RAB3GAP1: variants seen among roughly 807,000 people sequenced by gnomAD.
The protein encoded by RAB3GAP1 is RAB3 GTPase activating protein catalytic subunit 1, also known as rab3 GTPase-activating protein catalytic subunit.
A neutral mutation model predicts 130.7 loss-of-function variants in RAB3GAP1; 86 were observed. The ratio of observed to expected loss-of-function variants is 0.66; its 90% confidence interval spans 0.55 to 0.79. RAB3GAP1 has a LOEUF of 0.79. Among genes scored for constraint, RAB3GAP1 ranks in the 30% least tolerant of loss-of-function variants. RAB3GAP1 has a pLI of 0.00. For synonymous variants in RAB3GAP1, 367 were observed against 401.7 expected, an observed-to-expected ratio of 0.91 and a Z score of 1.03; for missense variants, 1,029 against 1,169.4, an observed-to-expected ratio of 0.88 and a Z score of 1.75.
At chr2:135,115,602 CTGTT>C (rs532502342) in intron 7 of RAB3GAP1, among the ~76,000 whole-genome samples, 297 of 152,242 alleles carry the variant, frequency 2.0e-3, no homozygotes, top group African/African-American at 5.0e-3. Flanking sequence ...ACTGATTTGT[CTGTT>C]TGTTTGTTCA....
chr2:135,136,472 A>G (rs1691683758), intron 17 of RAB3GAP1, among the ~76,000 whole-genome samples: 1 of 152,250 alleles, frequency 6.6e-6, no homozygotes, highest in Non-Finnish European at 1.5e-5. Context: ...CTATGTTTAA[A>G]GATTAAAGAA....
rs1479470916 is a variant in RAB3GAP1 at position 135,135,616 on chromosome 2, C to G, written c.1607C>G (p.Thr536Arg). Residue 536 changes from threonine (T) to arginine (R), a missense_variant, in exon 17 of 24, where the codon ACA (threonine) becomes AGA (arginine). Physicochemically the swap from Thr to Arg is moderately conservative, Grantham distance 71. Coordinates refer to ENST00000264158, the MANE Select transcript of RAB3GAP1 (RefSeq NM_012233.3). ...RKKARDEGKK[T>R]SASDVTNIYP... The stretch of plus-strand genomic sequence containing the variant: ...AAGGCACGTGATGAGGGGAAAAAGA[C>G]AAGTGCTTCAGATGTCACTAATATA... 1 of 1,610,760 alleles carries G rather than the reference C, an allele frequency of 6.2e-7. No individual in the cohort carries two copies. The highest frequency in any genetic ancestry group is 1.1e-5 in the South Asian group (1 of 90,750).
chr2:135,131,887 A>C (rs1414655523), intron 13 of RAB3GAP1, among the ~76,000 whole-genome samples: 1 of 152,242 alleles, frequency 6.6e-6, no homozygotes, highest in African/African-American at 2.4e-5. Flanking sequence ...TTGTGCATTA[A>C]GACAATCTTG....
intron 18 of RAB3GAP1, among the ~76,000 whole-genome samples, chr2:135,152,045 A>G (rs1264972460): frequency 1.3e-5 from 2 of 152,260 alleles, no homozygotes; most frequent in Non-Finnish European, 2.9e-5. Context: ...TAACCAGAAA[A>G]TAGACAGTAA....
chr2:135,141,422 C>T (rs950656092), intron 17 of RAB3GAP1, among the ~76,000 whole-genome samples: 3 of 151,926 alleles, frequency 2.0e-5, no homozygotes, highest in African/African-American at 7.3e-5. Flanking sequence ...GATGGGGTTT[C>T]ACTATGTTGG....
chr2:135,065,624 T>A (rs1248635764), intron 3 of RAB3GAP1, among the ~76,000 whole-genome samples: 1 of 152,194 alleles, frequency 6.6e-6, no homozygotes, highest in Non-Finnish European at 1.5e-5. Context: ...AATTTTTTTG[T>A]GTTTTCATGT....
At chr2:135,075,877 G>A (rs1689618629) in intron 3 of RAB3GAP1, among the ~76,000 whole-genome samples, 1 of 148,772 alleles carries the variant, frequency 6.7e-6, no homozygotes, top group East Asian at 2.0e-4. Flanking sequence ...GAATAGTCTT[G>A]CATATTTGTA....
chr2:135,130,229 C>T, intron 12 of RAB3GAP1, 142 bp downstream of exon 12: 1 of 736,972 alleles, frequency 1.4e-6, no homozygotes, highest in Non-Finnish European at 2.3e-6. Context: ...GCTACAGTTC[C>T]TTTCCAGGCT....
At chr2:135,159,430 G>C in intron 19 of RAB3GAP1, among the ~76,000 whole-genome samples, 1 of 152,102 alleles carries the variant, frequency 6.6e-6, no homozygotes, top group East Asian at 1.9e-4. Flanking sequence ...TTACCTCTCT[G>C]GTCTTCCTCC....
At chr2:135,066,915 G>T (rs1199055810) in intron 3 of RAB3GAP1, among the ~76,000 whole-genome samples, 1 of 152,166 alleles carries the variant, frequency 6.6e-6, no homozygotes, top group African/African-American at 2.4e-5. Context: ...ATTCATGGAA[G>T]AAGAATTAGC....
chr2:135,060,906 G>A (rs948829381), intron 3 of RAB3GAP1, among the ~76,000 whole-genome samples: 1 of 150,964 alleles, frequency 6.6e-6, no homozygotes, highest in Non-Finnish European at 1.5e-5. Context: ...TTTTCACCAC[G>A]TTGGCCAGGC....
rs765003230 is a variant in RAB3GAP1, at chr2:135,169,064, C to T, written c.*283C>T. The T allele has an allele frequency of 1.0e-5, 5 of 490,244 alleles. No individual in the cohort carries two copies. Among genetic ancestry groups the T allele is most frequent in the Non-Finnish European group, 1.9e-5 (5 of 267,000 alleles). The allele number at this position is 490,244 out of a possible 1,614,324, so 30.4% of individuals were successfully genotyped here. ...GGGGACACAAACACATCAGACACTC[C>T]GTCCTCACACTGGCAGGACGGTGTT... is the stretch of plus-strand genomic sequence containing the variant. On this transcript the variant is annotated 3_prime_UTR_variant, in exon 24 of 24. Coordinates refer to ENST00000264158, the MANE Select transcript of RAB3GAP1 (RefSeq NM_012233.3).
intron 11 of RAB3GAP1, among the ~76,000 whole-genome samples, chr2:135,129,026 A>G (rs1363052055): frequency 6.6e-6 from 1 of 152,118 alleles, no homozygotes; most frequent in Non-Finnish European, 1.5e-5. Flanking sequence ...TGATGCACAC[A>G]TGTAGTCCCA....
chr2:135,130,297 G>C (rs1018662233), intron 12 of RAB3GAP1, among the ~76,000 whole-genome samples: 2 of 152,132 alleles, frequency 1.3e-5, no homozygotes, highest in African/African-American at 4.8e-5. Flanking sequence ...CACCAAAAAT[G>C]TAAAATATTT....
intron 13 of RAB3GAP1, among the ~76,000 whole-genome samples, chr2:135,132,664 G>GA (rs765125343): frequency 6.6e-6 from 1 of 152,088 alleles, no homozygotes; most frequent in East Asian, 1.9e-4. Flanking sequence ...TTACTTTTAA[G>GA]AAAAAAATTC....
In RAB3GAP1 at chr2:135,088,228, A is replaced by G. The variant is rs373203913; in HGVS notation, c.151-2770A>G. Among the ~76,000 whole-genome samples the G allele has an allele frequency of 2.2e-4, 33 of 152,328 alleles. No individual in the cohort carries two copies. The South Asian group carries it at 5.8e-3, about 27-fold the overall frequency. The stretch of plus-strand genomic sequence containing the variant: ...TCCTTTTCTGGACTTTCTTTTACCT[A>G]GTTTTAGCCATAACTGCTTTATATT... On this transcript the variant is annotated intron_variant, in intron 3 of 23. Transcript: ENST00000264158.
At chr2:135,136,204 T>C (rs1573585476) in intron 17 of RAB3GAP1, among the ~76,000 whole-genome samples, 3 of 152,072 alleles carry the variant, frequency 2.0e-5, no homozygotes, top group Non-Finnish European at 1.5e-5. Context: ...CGCACACCTG[T>C]AGTTCCAGCT....
chr2:135,162,590 C>T lies in RAB3GAP1; in HGVS notation c.2325C>T (p.Asp775=), dbSNP rs755358673. 9.3e-6 allele frequency: 15 copies of T among 1,613,940 alleles called. No homozygotes were observed. The highest frequency in any genetic ancestry group is 1.3e-5 in the Non-Finnish European group (15 of 1,179,986). The change falls in exon 20 of 24, where the codon GAC becomes GAT. Residue 775 remains aspartate, a synonymous_variant. Coordinates refer to ENST00000264158, the MANE Select transcript of RAB3GAP1 (RefSeq NM_012233.3). ...ATCTGGCAATCCAGAAACCTGCAGA[C>T]CTTGCTCGGCACCTGTTACCTTGTG... is the stretch of plus-strand genomic sequence containing the variant. ...LHYLAIQKPA[D]LARHLLPCVI... is the part of the protein sequence containing the mutation.
At chr2:135,167,155 T>C (rs531909965) in intron 23 of RAB3GAP1, among the ~76,000 whole-genome samples, 1 of 152,290 alleles carries the variant, frequency 6.6e-6, no homozygotes, top group East Asian at 1.9e-4. Flanking sequence ...TGTGATGTAA[T>C]TTCACTTGGT....
Sources: gnomAD v4.1 joint callset for allele counts (sites outside exome capture counted in the v4.1 genomes callset) on GRCh38, gnomAD v4.1.1 for gene constraint, MANE v1.5 for transcripts, NCBI Gene and HGNC (gene_info 2026-07-23, HGNC 2026-07-21) for gene names.